EXOC6B: variants seen among roughly 807,000 people sequenced by gnomAD.
EXOC6B encodes the protein SEC15 homolog B.
EXOC6B carries 54 observed loss-of-function variants against 113.5 expected under a neutral mutation model. The observed-to-expected ratio is 0.48, with a 90% CI of 0.38 to 0.60. The LOEUF (loss-of-function observed/expected upper bound fraction) is 0.60. Ranked by LOEUF, EXOC6B falls within the 20% of genes least tolerant of loss-of-function variation. The pLI, the probability that EXOC6B is intolerant of heterozygous loss-of-function variation, is 0.00. For synonymous variants in EXOC6B, 357 were observed against 339.0 expected (o/e 1.05, Z -0.58); for missense variants, 797 against 977.5 (o/e 0.82, Z 2.46).
intron 6 of EXOC6B, among the ~76,000 whole-genome samples, chr2:72,644,386 C>T (rs560501748): frequency 1.3e-5 from 2 of 152,036 alleles, no homozygotes; most frequent in East Asian, 3.9e-4. Context: ...GGATATTATC[C>T]AGGAGAACCT....
intron 20 of EXOC6B, among the ~76,000 whole-genome samples, chr2:72,326,879 C>T (rs1688157463): frequency 6.6e-6 from 1 of 152,040 alleles, no homozygotes; most frequent in Non-Finnish European, 1.5e-5. Flanking sequence ...GCGGAAAGTG[C>T]TGGGCAAGCC....
chr2:72,589,595 A>C (rs558259853), intron 6 of EXOC6B, among the ~76,000 whole-genome samples: 1 of 152,102 alleles, frequency 6.6e-6, no homozygotes, highest in East Asian at 1.9e-4. Context: ...CGGGATATGC[A>C]GGTCTATCTG....
At chr2:72,541,123 A>G (rs1215151104) in intron 8 of EXOC6B, among the ~76,000 whole-genome samples, 1 of 152,178 alleles carries the variant, frequency 6.6e-6, no homozygotes, top group African/African-American at 2.4e-5. Flanking sequence ...TGCTATTCTC[A>G]TGATAGTGAA....
chr2:72,767,818 A>AAAAAAAAAAAAAAAAAAC, intron 1 of EXOC6B, among the ~76,000 whole-genome samples: 1 of 136,598 alleles, frequency 7.3e-6, no homozygotes, highest in Non-Finnish European at 1.6e-5. Flanking sequence ...TAAAAAAAAA[A>AAAAAAAAAAAAAAAAAAC]AAAAAAAAAA....
At chr2:72,693,419 C>T (rs71416761) in intron 6 of EXOC6B, among the ~76,000 whole-genome samples, 13,129 of 151,978 alleles carry the variant, frequency 0.086, 744 homozygotes, top group Non-Finnish European at 0.13. Flanking sequence ...AATAATAAAA[C>T]GTATTTATTT....
At chr2:72,497,412 G>A (rs1016826329) in intron 13 of EXOC6B, among the ~76,000 whole-genome samples, 9 of 151,918 alleles carry the variant, frequency 5.9e-5, no homozygotes, top group African/African-American at 1.9e-4. Flanking sequence ...TAAATCGATA[G>A]GTTCTCTCTC....
At chr2:72,303,308 A>C (rs1393009146) in intron 20 of EXOC6B, among the ~76,000 whole-genome samples, 2 of 152,130 alleles carry the variant, frequency 1.3e-5, no homozygotes, top group African/African-American at 4.8e-5. Flanking sequence ...GGAGTTTTCA[A>C]GGATGATATC....
intron 6 of EXOC6B, among the ~76,000 whole-genome samples, chr2:72,624,119 C>A (rs1357380540): frequency 6.6e-6 from 1 of 152,058 alleles, no homozygotes; most frequent in Non-Finnish European, 1.5e-5. Context: ...TTTCTCCCCT[C>A]AGATCAAAAT....
chr2:72,324,385 A>G (rs1353379758), intron 20 of EXOC6B, among the ~76,000 whole-genome samples: 1 of 152,198 alleles, frequency 6.6e-6, no homozygotes, highest in Non-Finnish European at 1.5e-5. Context: ...AGACACAAGT[A>G]TCCTGTCATG....
chr2:72,547,330 G>A (rs1028981662), intron 8 of EXOC6B, among the ~76,000 whole-genome samples: 1 of 152,116 alleles, frequency 6.6e-6, no homozygotes, highest in Non-Finnish European at 1.5e-5. Flanking sequence ...AATTGCTATC[G>A]CTGGACCCAA....
intron 18 of EXOC6B, among the ~76,000 whole-genome samples, chr2:72,382,856 C>G (rs1234538448): frequency 6.6e-6 from 1 of 152,086 alleles, no homozygotes; most frequent in Non-Finnish European, 1.5e-5. Context: ...AGGAAGGCTA[C>G]TGATTTTTGT....
chr2:72,730,824 CAG>C (rs1288883664), intron 5 of EXOC6B, among the ~76,000 whole-genome samples, 181 bp downstream of exon 5: 1 of 151,856 alleles, frequency 6.6e-6, no homozygotes, highest in African/African-American at 2.4e-5. Context: ...TAATACATGA[CAG>C]AACACATTAG....
intron 11 of EXOC6B, among the ~76,000 whole-genome samples, chr2:72,511,333 C>T (rs1288143752): frequency 1.3e-5 from 2 of 152,110 alleles, no homozygotes; most frequent in African/African-American, 4.8e-5. Flanking sequence ...AAACTGCTAA[C>T]ACTATCATCC....
At chr2:72,268,772 C>T (rs943858994) in intron 20 of EXOC6B, among the ~76,000 whole-genome samples, 1 of 152,046 alleles carries the variant, frequency 6.6e-6, no homozygotes, top group African/African-American at 2.4e-5. Flanking sequence ...GGCACCTCCC[C>T]ACCTCTGCTT....
chr2:72,328,276 T>G (rs1264604158), intron 20 of EXOC6B, among the ~76,000 whole-genome samples: 1 of 152,090 alleles, frequency 6.6e-6, no homozygotes, highest in Non-Finnish European at 1.5e-5. Context: ...CTTATTTATG[T>G]TGGGCTGCTA....
chr2:72,407,257 A>G (rs375244151), intron 18 of EXOC6B, among the ~76,000 whole-genome samples: 15 of 152,272 alleles, frequency 9.9e-5, no homozygotes, highest in African/African-American at 2.2e-4. Flanking sequence ...CAGGACCAGA[A>G]GGATTCACAG....
chr2:72,457,046 G>C (rs866266596), intron 18 of EXOC6B, among the ~76,000 whole-genome samples: 6 of 151,756 alleles, frequency 4.0e-5, no homozygotes, highest in African/African-American at 9.7e-5. Context: ...GAAAACAGTT[G>C]GGTGTGCTTA....
intron 1 of EXOC6B, among the ~76,000 whole-genome samples, chr2:72,824,336 C>G (rs184669970): frequency 6.6e-6 from 1 of 152,248 alleles, no homozygotes; most frequent in East Asian, 1.9e-4. Context: ...CAGTGAGCTA[C>G]GATCACATCA....
intron 1 of EXOC6B, among the ~76,000 whole-genome samples, chr2:72,762,543 GAAAA>G (rs879633004): frequency 3.4e-4 from 50 of 146,832 alleles, no homozygotes; most frequent in Non-Finnish European, 7.2e-4. Context: ...AGTGCTAAAG[GAAAA>G]AAAAAAATTG....
Sources: allele counts gnomAD v4.1 joint callset (sites outside exome capture counted in the v4.1 genomes callset), GRCh38; gene constraint gnomAD v4.1.1; transcripts MANE v1.5; gene names NCBI Gene and HGNC (gene_info 2026-07-23, HGNC 2026-07-21).